CLCN2: variants seen among roughly 807,000 people sequenced by gnomAD.
The protein encoded by CLCN2 is chloride channel protein 2.
CLCN2 carries 72 observed loss-of-function variants against 108.3 expected under a neutral mutation model. That is an observed-to-expected ratio of 0.66 (90% CI 0.55 to 0.81). The LOEUF (loss-of-function observed/expected upper bound fraction) is 0.81, where lower values mean the gene tolerates loss of function less well. Among genes scored for constraint, CLCN2 ranks in the 30% least tolerant of loss-of-function variants. The probability of loss-of-function intolerance (pLI) is 0.00; values close to 1 mark genes in which losing one functional copy is unlikely to be tolerated. For synonymous variants in CLCN2, 471 were observed against 467.1 expected (o/e 1.01, Z -0.11); for missense variants, 1,048 against 1,205.2 (o/e 0.87, Z 1.93).
rs1348381454 is a variant in CLCN2 at position 184,357,017 on chromosome 3, G to A, written c.1061C>T (p.Thr354Ile). ...CTTCCTCATGAGGAAGCGATTGATG[G>A]TTTTCTGCTTCCGCATCACCTGGAC... The part of the protein sequence containing the change: ...KIVQVMRKQK[T>I]INRFLMRKRL... The change falls in exon 10 of 24, where the codon ACC (threonine) becomes ATC (isoleucine). Residue 354 changes from threonine (T) to isoleucine (I), a missense_variant. Transcript: ENST00000265593. 1 of 1,613,544 alleles carries A rather than the reference G, an allele frequency of 6.2e-7. No individual in the cohort carries two copies. The highest frequency in any genetic ancestry group is 1.3e-5 in the African/African-American group (1 of 74,882).
rs745740815 is a variant in CLCN2 at position 184,352,071 on chromosome 3, C to T, written c.2357G>A (p.Ser786Asn). The change falls in exon 22 of 24, where the codon AGT (serine) becomes AAT (asparagine). Residue 786 changes from serine to asparagine, a missense_variant. By Grantham distance (46) the Ser-to-Asn change is conservative (BLOSUM62 1). Transcript: ENST00000265593. ...EQQLDEPVNF[S>N]DCKIDPAPFQ... is the part of the protein sequence containing the mutation. Reference sequence around the variant, plus strand: ...GGGAGCAGGATCAATTTTGCAGTCACTGAAGTTGACAGGTTCATCTAGTTG... The same window carrying T: ...GGGAGCAGGATCAATTTTGCAGTCATTGAAGTTGACAGGTTCATCTAGTTG... The T allele has an allele frequency of 7.4e-6, 12 of 1,613,838 alleles. No individual in the cohort carries two copies. The highest frequency in any genetic ancestry group is 4.4e-5 in the South Asian group (4 of 91,082).
chr3:184,352,107 C>A lies in CLCN2; in HGVS notation c.2321G>T (p.Trp774Leu). Residue 774 changes from tryptophan (W) to leucine (L), a missense_variant, in exon 22 of 24, where the codon TGG becomes TTG. Transcript: ENST00000265593. ...AGGTTCATCTAGTTGCTGCTCCTCCCACTCCAGAATCTGAGGGGAAGAGAC... is the reference window on the plus strand; with the variant it reads ...AGGTTCATCTAGTTGCTGCTCCTCCAACTCCAGAATCTGAGGGGAAGAGAC... ...GEMSPEEILE[W>L]EEQQLDEPVN... 2 of 1,613,602 alleles carry A rather than the reference C, an allele frequency of 1.2e-6. No homozygotes were observed. The highest frequency in any genetic ancestry group is 1.7e-6 in the Non-Finnish European group (2 of 1,179,652).
rs1051480989 is a variant in CLCN2, at chr3:184,355,929, C to T, written c.1086-151G>A. 3.9e-5 allele frequency: 28 copies of T among 708,976 alleles called. No homozygotes were observed. The highest frequency in any genetic ancestry group is 6.3e-5 in the Non-Finnish European group (25 of 394,100). The allele number at this position is 708,976 out of a possible 1,614,324, so 43.9% of individuals were successfully genotyped here. A position where few individuals can be genotyped will look rare whatever the true frequency, so the allele number is the denominator to read the frequency against. Reference sequence around the variant, plus strand: ...TCCTTTGCTGTTTATGATACGATAGCCCCAAGGCTGATGGTGGACTGGGGT... The same window carrying T: ...TCCTTTGCTGTTTATGATACGATAGTCCCAAGGCTGATGGTGGACTGGGGT... On this transcript the variant is annotated intron_variant, in intron 10 of 23. Coordinates refer to ENST00000265593, the MANE Select transcript of CLCN2 (RefSeq NM_004366.6). This position sits in a 1 kb window ranked among gnomAD's most constrained non-coding sequence, Gnocchi z 6.3.
At position 184,355,073 on chromosome 3, in the gene CLCN2, G is replaced by T; in HGVS notation, c.1327-100C>A. 8.5e-7 allele frequency: 1 copy of T among 1,182,172 alleles called. No individual in the cohort carries two copies. The highest frequency in any genetic ancestry group is 1.3e-6 in the Non-Finnish European group (1 of 799,382). 73.2% of individuals were successfully genotyped at this position (1,182,172 alleles called of 1,614,324 possible). On this transcript the variant is annotated intron_variant, in intron 12 of 23. Coordinates refer to ENST00000265593, the MANE Select transcript of CLCN2 (RefSeq NM_004366.6). The surrounding 1 kb of genome is among the most constrained non-coding windows in gnomAD (Gnocchi z 6.3). The stretch of plus-strand genomic sequence containing the variant: ...AGTCTACCTCGCTGATCAGGTGGGC[G>T]TAACCCTCCCAGCCACCCCGTAACC...
rs150512373 is a variant in CLCN2, at chr3:184,355,924, G to A, written c.1086-146C>T. On this transcript the variant is annotated intron_variant, in intron 10 of 23. Transcript: ENST00000265593. This position sits in a 1 kb window ranked among gnomAD's most constrained non-coding sequence, Gnocchi z 6.3. ...AGGTCTCCTTTGCTGTTTATGATACGATAGCCCCAAGGCTGATGGTGGACT... is the reference window on the plus strand; with the variant it reads ...AGGTCTCCTTTGCTGTTTATGATACAATAGCCCCAAGGCTGATGGTGGACT... 3.4e-4 allele frequency: 246 copies of A among 727,988 alleles called. 6 individuals carry two copies. The East Asian group carries it at 6.3e-3, about 19-fold the overall frequency. The allele number at this position is 727,988 out of a possible 1,614,324, so 45.1% of individuals were successfully genotyped here. A position where few individuals can be genotyped will look rare whatever the true frequency, so the allele number is the denominator to read the frequency against.
chr3:184,354,383 G>A, intron 14 of CLCN2, 69 bp from the exon 15 acceptor site: 1 of 1,501,442 alleles, frequency 6.7e-7, no homozygotes, highest in South Asian at 1.1e-5. Context: ...ACCAGGGCAG[G>A]TCCTGAGTGG....
chr3:184,361,497 T>C lies in CLCN2; in HGVS notation c.-18A>G. On this transcript the variant is annotated 5_prime_UTR_variant, in exon 1 of 24. Transcript: ENST00000265593. This position sits in a 1 kb window ranked among gnomAD's most constrained non-coding sequence, Gnocchi z 6.6. ...GCCGCCATCTCCGCGCACTGCCCTC[T>C]CGCCTCCCTCGGCGGTTCCGGCTCT... 6.2e-7 allele frequency: 1 copy of C among 1,609,144 alleles called. No individual in the cohort carries two copies. Among genetic ancestry groups the C allele is most frequent in the Non-Finnish European group, 8.5e-7 (1 of 1,179,720 alleles).
chr3:184,350,410 C>T (rs182053375), intron 22 of CLCN2, among the ~76,000 whole-genome samples: 2 of 152,206 alleles, frequency 1.3e-5, no homozygotes, highest in East Asian at 3.9e-4. Flanking sequence ...GTCAGACCAT[C>T]CTAGATTCCA....
Position 184,353,401 on chromosome 3 carries a change from G to A in CLCN2, c.1877C>T (p.Ser626Phe). The A allele has an allele frequency of 6.2e-7, 1 of 1,611,466 alleles. No homozygotes were observed. ...ESPESMILLG[S>F]IERSQVVALL... ...TGCCACCACCTGTGAACGCTCGATG[G>A]AGCCCAGCAGAATCATGGACTCTGG... The change falls in exon 17 of 24, where the codon TCC (serine) becomes TTC (phenylalanine). Residue 626 changes from serine to phenylalanine, a missense_variant. By Grantham distance (155) the Ser-to-Phe change is radical. Transcript: ENST00000265593.
In CLCN2 at chr3:184,346,690, C is replaced by T; in HGVS notation, c.2613G>A (p.Glu871=). 6.2e-7 allele frequency: 1 copy of T among 1,614,172 alleles called. No individual in the cohort carries two copies. The highest frequency in any genetic ancestry group is 1.1e-5 in the South Asian group (1 of 91,080). ...AGTGGGGCCCCCAGAGTGCATGCAC[C>T]TCAGTGGTCTCCGTGTCACTGCTGC... The part of the protein sequence containing the change: ...ATSSSDTETT[E]VHALWGPHSR... Residue 871 remains glutamate (E), a synonymous_variant, in exon 24 of 24, where the codon GAG becomes GAA. Coordinates refer to ENST00000265593, the MANE Select transcript of CLCN2 (RefSeq NM_004366.6). This position sits in a 1 kb window ranked among gnomAD's most constrained non-coding sequence, Gnocchi z 6.0.
At chr3:184,358,652 A>G in intron 3 of CLCN2, 30 bp downstream of exon 3, 1 of 1,557,346 alleles carries the variant, frequency 6.4e-7, no homozygotes, top group Non-Finnish European at 8.7e-7. Flanking sequence ...GTTTATTCCC[A>G]GTCCTCCCCC....
chr3:184,358,094 G>A lies in CLCN2; in HGVS notation c.483C>T (p.Gly161=). The change falls in exon 5 of 24, where the codon GGC becomes GGT. Residue 161 remains glycine (G), a splice_region_variant and synonymous_variant. Transcript: ENST00000265593. ...TGGTCTTCATCTCAGGGATGCCAGA[G>A]CCTGGAGAGGGAACAGTCTCAGGAG... ...FTQILAPQAV[G]SGIPEMKTIL... 6.2e-7 allele frequency: 1 copy of A among 1,614,134 alleles called. No individual in the cohort carries two copies. Among genetic ancestry groups the A allele is most frequent in the Non-Finnish European group, 8.5e-7 (1 of 1,180,044 alleles).
chr3:184,354,378 G>A (rs1728370008), intron 14 of CLCN2, 64 bp from the exon 15 acceptor site: 3 of 1,540,316 alleles, frequency 1.9e-6, no homozygotes, highest in Admixed American at 3.5e-5. Context: ...CCACAACCAG[G>A]GCAGGTCCTG....
chr3:184,358,519 T>G, intron 3 of CLCN2, 163 bp downstream of exon 3: 1 of 1,140,468 alleles, frequency 8.8e-7, no homozygotes, highest in South Asian at 1.3e-5. Context: ...AGCTGTGCCC[T>G]GTGGGAGTGG....
intron 13 of CLCN2, 115 bp downstream of exon 13, chr3:184,354,789 C>G: frequency 7.3e-7 from 1 of 1,366,788 alleles, no homozygotes; most frequent in Admixed American, 1.7e-5. Context: ...CCTGTGGGGT[C>G]AGGGTTCGGG....
At chr3:184,354,368 C>G in intron 14 of CLCN2, 54 bp from the exon 15 acceptor site, 1 of 1,570,228 alleles carries the variant, frequency 6.4e-7, no homozygotes, top group Non-Finnish European at 8.7e-7. Flanking sequence ...AGAAGACCCT[C>G]CACAACCAGG....
In CLCN2 at chr3:184,354,951, G is replaced by T; in HGVS notation, c.1349C>A (p.Thr450Asn). The T allele has an allele frequency of 6.2e-7, 1 of 1,614,036 alleles. No individual in the cohort carries two copies. Among genetic ancestry groups the T allele is most frequent in the Non-Finnish European group, 8.5e-7 (1 of 1,180,006 alleles). ...LMKFWMSALA[T>N]TIPVPCGAFM... ...GGCCCCACAGGGAACTGGGATGGTGGTGGCCAGTGCAGACATCCAGAACTG... is the reference window on the plus strand; with the variant it reads ...GGCCCCACAGGGAACTGGGATGGTGTTGGCCAGTGCAGACATCCAGAACTG... The change falls in exon 13 of 24, where the codon ACC (threonine) becomes AAC (asparagine). Residue 450 changes from threonine to asparagine, a missense_variant. By Grantham distance (65) the Thr-to-Asn change is moderately conservative (BLOSUM62 0). Coordinates refer to ENST00000265593, the MANE Select transcript of CLCN2 (RefSeq NM_004366.6).
rs916660821 is a variant in CLCN2 at position 184,354,985 on chromosome 3, G to A, written c.1327-12C>T. On this transcript the variant is annotated splice_polypyrimidine_tract_variant and intron_variant, in intron 12 of 23. Transcript: ENST00000265593. ...GCAGACATCCAGAACTGCAGGCAGG[G>A]GGTGGTTCAAAGGCGAAGAGGCTCC... 6.2e-7 allele frequency: 1 copy of A among 1,613,688 alleles called. No individual in the cohort carries two copies. The highest frequency in any genetic ancestry group is 1.3e-5 in the African/African-American group (1 of 75,026).
At chr3:184,353,520 C>G (rs1728294955) in intron 16 of CLCN2, 98 bp from the exon 17 acceptor site, 2 of 1,544,664 alleles carry the variant, frequency 1.3e-6, no homozygotes, top group South Asian at 2.3e-5. Context: ...ATGCAGGCCA[C>G]ACACCAGAGG....
Sources: gnomAD v4.1 joint callset for allele counts (sites outside exome capture counted in the v4.1 genomes callset) on GRCh38, gnomAD v4.1.1 for gene constraint, Gnocchi (gnomAD v3.1) non-coding constraint, MANE v1.5 for transcripts, NCBI Gene and HGNC (gene_info 2026-07-23, HGNC 2026-07-21) for gene names.